The following TENM2 variants were observed in gnomAD, a reference collection of about 807,000 sequenced individuals.
The protein encoded by TENM2 is teneurin-2.
In TENM2, 52 loss-of-function variants were observed where a neutral mutation model predicts 245.2. The observed-to-expected ratio is 0.21, with a 90% CI of 0.17 to 0.27. The LOEUF is 0.27. Ranked by LOEUF, TENM2 falls within the 10% of genes least tolerant of loss-of-function variation. The pLI is 1.00. For missense variants in TENM2, 3,046 were observed against 3,666.8 expected (o/e 0.83, Z 4.37); for synonymous variants, 1,363 against 1,438.9 (o/e 0.95, Z 1.19).
At chr5:167,547,211 G>A (rs1031742928) in intron 2 of TENM2, among the ~76,000 whole-genome samples, 2 of 152,186 alleles carry the variant, frequency 1.3e-5, no homozygotes, top group South Asian at 2.1e-4. Context: ...TCAGCCTCGC[G>A]AGTAGCTCGG....
At chr5:168,235,749 G>A (rs1016967150) in intron 25 of TENM2, among the ~76,000 whole-genome samples, 2 of 151,952 alleles carry the variant, frequency 1.3e-5, no homozygotes, top group South Asian at 2.1e-4. Flanking sequence ...AGAGGTTGCA[G>A]TAAGCCGAGA....
At position 168,138,344 on chromosome 5, in the gene TENM2, T is replaced by A. The variant is rs373100339; in HGVS notation, c.2422+11378T>A. 3.5e-4 allele frequency among the ~76,000 whole-genome samples: 53 copies of A among 152,386 alleles called. 1 individual carries two copies. In the South Asian group the frequency reaches 0.011, roughly 32 times the overall value. Reference sequence around the variant, plus strand: ...TCACTGATGGAGAGCACTTAACATATGCTTGCTACTCTGTAAGTGTTAGCT... The same window carrying A: ...TCACTGATGGAGAGCACTTAACATAAGCTTGCTACTCTGTAAGTGTTAGCT... On this transcript the variant is annotated intron_variant, in intron 12 of 28. Transcript: ENST00000518659.
the TENM2 span, among the ~76,000 whole-genome samples, chr5:167,174,021 C>T: frequency 6.6e-6 from 1 of 151,078 alleles, no homozygotes; most frequent in Non-Finnish European, 1.5e-5. Context: ...TTTGAGGGAG[C>T]GATTTGTTCT....
the TENM2 span, among the ~76,000 whole-genome samples, chr5:167,274,681 TA>T: frequency 1.1e-4 from 16 of 150,844 alleles, no homozygotes; most frequent in African/African-American, 2.2e-4. Context: ...TTTTGTCATT[TA>T]AAAAAAAAGT....
intron 2 of TENM2, among the ~76,000 whole-genome samples, chr5:167,484,092 A>C (rs1265498497): frequency 1.3e-5 from 2 of 152,176 alleles, no homozygotes; most frequent in Non-Finnish European, 2.9e-5. Context: ...CACGCCTGTA[A>C]TCCCAGCCCT....
intron 7 of TENM2, among the ~76,000 whole-genome samples, chr5:168,075,689 A>G (rs928454386): frequency 2.0e-5 from 3 of 152,318 alleles, no homozygotes; most frequent in African/African-American, 7.2e-5. Flanking sequence ...TGTTGTTTGT[A>G]TCTGTATTAG....
intron 5 of TENM2, among the ~76,000 whole-genome samples, chr5:168,040,595 A>G (rs565197424): frequency 2.6e-4 from 40 of 152,334 alleles, no homozygotes; most frequent in African/African-American, 8.4e-4. Flanking sequence ...GGTGGTTAGA[A>G]AAGGATTTTT....
At chr5:167,831,880 T>G (rs1171526461) in intron 2 of TENM2, among the ~76,000 whole-genome samples, 1 of 152,076 alleles carries the variant, frequency 6.6e-6, no homozygotes, top group Non-Finnish European at 1.5e-5. Flanking sequence ...TGTCCATATG[T>G]AGATTTCCAC....
At chr5:167,600,928 T>C (rs191250724) in intron 2 of TENM2, among the ~76,000 whole-genome samples, 2 of 152,382 alleles carry the variant, frequency 1.3e-5, no homozygotes, top group East Asian at 3.8e-4. Context: ...TTAAACATAC[T>C]TTTGTTCAAA....
At chr5:167,700,819 T>C (rs1758088370) in intron 2 of TENM2, among the ~76,000 whole-genome samples, 1 of 152,172 alleles carries the variant, frequency 6.6e-6, no homozygotes, top group Admixed American at 6.5e-5. Context: ...ACTGATTCCA[T>C]TTAAATGTGT....
In TENM2 at chr5:168,110,526, G is replaced by A. The variant is rs933412913; in HGVS notation, c.1814-7766G>A. Among the ~76,000 whole-genome samples the A allele has an allele frequency of 3.9e-5, 6 of 152,174 alleles. 1 individual carries two copies. Among genetic ancestry groups the A allele is most frequent in the Admixed American group, 2.0e-4 (3 of 15,278 alleles). ...GGAAGGAAGAAAGGAAATTCAGGCT[G>A]TCTAACTCCCGTAAGCCTACACCAT... On this transcript the variant is annotated intron_variant, in intron 9 of 28. Coordinates refer to ENST00000518659, the Ensembl canonical transcript of TENM2.
the TENM2 span, among the ~76,000 whole-genome samples, chr5:167,174,139 C>A: frequency 2.0e-5 from 3 of 148,040 alleles, no homozygotes; most frequent in African/African-American, 7.5e-5. Flanking sequence ...TCCTGGAGTT[C>A]TACAACTGAG....
chr5:168,066,078 G>A (rs1455501187), intron 7 of TENM2, among the ~76,000 whole-genome samples: 2 of 152,158 alleles, frequency 1.3e-5, no homozygotes, highest in African/African-American at 4.8e-5. Context: ...ATTAACATTA[G>A]CTTAAGTGCT....
chr5:168,023,589 G>T (rs765502196), intron 5 of TENM2, among the ~76,000 whole-genome samples: 4 of 152,144 alleles, frequency 2.6e-5, no homozygotes, highest in Non-Finnish European at 5.9e-5. Flanking sequence ...ATGGGGTGTC[G>T]GAAAAACAAT....
intron 2 of TENM2, among the ~76,000 whole-genome samples, chr5:167,750,081 C>T (rs1761858272): frequency 6.6e-6 from 1 of 152,032 alleles, no homozygotes; most frequent in Non-Finnish European, 1.5e-5. Context: ...AGGAATGGTT[C>T]ATTATCTTCG....
chr5:167,885,983 C>G (rs1048212634), intron 3 of TENM2, among the ~76,000 whole-genome samples: 3 of 152,262 alleles, frequency 2.0e-5, no homozygotes, highest in African/African-American at 7.2e-5. Context: ...GCACCCAGCC[C>G]ACAAGCCCTT....
At chr5:167,846,267 C>A (rs12522225) in intron 2 of TENM2, among the ~76,000 whole-genome samples, 88,344 of 152,050 alleles carry the variant, frequency 0.58, 29,997 homozygotes, top group South Asian at 0.77. Context: ...ACGTAGTCAG[C>A]CCCCAGTGAA....
At chr5:167,224,173 C>T in the TENM2 span, among the ~76,000 whole-genome samples, 32,284 of 151,858 alleles carry the variant, frequency 0.21, 4,112 homozygotes, top group African/African-American at 0.36. Context: ...TTTCTTTTGC[C>T]GTGCAGAAGC....
At chr5:168,009,743 G>C (rs1487556376) in intron 5 of TENM2, among the ~76,000 whole-genome samples, 1 of 152,234 alleles carries the variant, frequency 6.6e-6, no homozygotes, top group Non-Finnish European at 1.5e-5. Flanking sequence ...AAATGTGGTA[G>C]ATAATTATGT....
Sources: allele counts gnomAD v4.1 joint callset (sites outside exome capture counted in the v4.1 genomes callset), GRCh38; gene constraint gnomAD v4.1.1; transcripts MANE v1.5; gene names NCBI Gene and HGNC (gene_info 2026-07-23, HGNC 2026-07-21).